CDK6: variants seen among roughly 807,000 people sequenced by gnomAD.
CDK6 encodes the protein cyclin-dependent kinase 6.
Under a neutral mutation model 37.1 loss-of-function variants are expected in CDK6, and 6 were observed. The ratio of observed to expected loss-of-function variants is 0.16; its 90% confidence interval spans 0.09 to 0.32. The LOEUF (loss-of-function observed/expected upper bound fraction) is 0.32, where lower values mean the gene tolerates loss of function less well. Ranked by LOEUF, CDK6 falls within the 10% of genes least tolerant of loss-of-function variation. CDK6 has a pLI of 1.00. For synonymous variants in CDK6, 160 were observed against 161.3 expected, an observed-to-expected ratio of 0.99 and a Z score of 0.06; for missense variants, 224 against 418.9, an observed-to-expected ratio of 0.53 and a Z score of 4.06.
intron 2 of CDK6, among the ~76,000 whole-genome samples, chr7:92,801,611 C>A (rs888178238): frequency 1.4e-4 from 21 of 151,960 alleles, no homozygotes; most frequent in African/African-American, 4.1e-4. Flanking sequence ...AAAGAATATT[C>A]TCTTTCCCTC....
At chr7:92,686,969 G>A (rs1204746035) in intron 4 of CDK6, among the ~76,000 whole-genome samples, 1 of 152,110 alleles carries the variant, frequency 6.6e-6, no homozygotes, top group East Asian at 1.9e-4. Flanking sequence ...TCAAAGGAAT[G>A]TTTGTGGTTT....
chr7:92,642,996 G>A (rs1796348948), intron 5 of CDK6, among the ~76,000 whole-genome samples: 1 of 151,920 alleles, frequency 6.6e-6, no homozygotes, highest in East Asian at 1.9e-4. Context: ...CTGAGCTCAG[G>A]TGATCCTCCC....
intron 4 of CDK6, among the ~76,000 whole-genome samples, chr7:92,687,334 A>G (rs980473502): frequency 3.9e-5 from 6 of 152,228 alleles, no homozygotes; most frequent in African/African-American, 1.4e-4. Flanking sequence ...TGGATCCCCA[A>G]TGCTTAGTGC....
intron 3 of CDK6, among the ~76,000 whole-genome samples, chr7:92,731,485 C>T (rs1397332961): frequency 6.6e-6 from 1 of 152,174 alleles, no homozygotes; most frequent in Non-Finnish European, 1.5e-5. Context: ...TAGTACCCGT[C>T]TCTTTGCCAC....
At position 92,755,245 on chromosome 7, in the gene CDK6, C is replaced by T. The variant is rs549715397; in HGVS notation, c.369+19451G>A. Among the ~76,000 whole-genome samples the T allele has an allele frequency of 3.3e-5, 5 of 152,252 alleles. No homozygotes were observed. The South Asian group carries it at 1.0e-3, about 32-fold the overall frequency. The stretch of plus-strand genomic sequence containing the variant: ...GGCCCACTTCTAGGCTTTCCTTTCC[C>T]CGCAGCTGTCTGTGTAGGGCTAATT... On this transcript the variant is annotated intron_variant, in intron 3 of 7. Coordinates refer to ENST00000424848, the MANE Select transcript of CDK6 (RefSeq NM_001145306.2).
chr7:92,784,879 G>A (rs982653510), intron 2 of CDK6, among the ~76,000 whole-genome samples: 1 of 152,112 alleles, frequency 6.6e-6, no homozygotes, highest in Non-Finnish European at 1.5e-5. Context: ...GTAAAAGTGA[G>A]GATACTTCAA....
chr7:92,607,707 G>A lies in CDK6; in HGVS notation c.*7433C>T, dbSNP rs1276665995. On this transcript the variant is annotated 3_prime_UTR_variant, in exon 8 of 8. Coordinates refer to ENST00000424848, the MANE Select transcript of CDK6 (RefSeq NM_001145306.2). ...AATAATAGAAATAATTTATGCAAAT[G>A]TAGAACAACTTGAAAAAAAATCCCC... 4.3e-6 allele frequency: 1 copy of A among 232,172 alleles called. No homozygotes were observed. The highest frequency in any genetic ancestry group is 2.2e-5 in the African/African-American group (1 of 45,284). 14.4% of individuals were successfully genotyped at this position (232,172 alleles called of 1,614,324 possible). A position where few individuals can be genotyped will look rare whatever the true frequency, so the allele number is the denominator to read the frequency against.
At chr7:92,647,058 T>G (rs1444288113) in intron 5 of CDK6, among the ~76,000 whole-genome samples, 1 of 152,234 alleles carries the variant, frequency 6.6e-6, no homozygotes. Context: ...TGGCCCATTT[T>G]ATGCCAGAGC....
intron 2 of CDK6, among the ~76,000 whole-genome samples, chr7:92,798,917 GTCC>G (rs1800490493): frequency 2.6e-5 from 4 of 152,136 alleles, no homozygotes; most frequent in Admixed American, 6.5e-5. Flanking sequence ...ACAGGAAAGT[GTCC>G]TCCTCTTCAA....
intron 3 of CDK6, among the ~76,000 whole-genome samples, chr7:92,765,444 G>C (rs1015595717): frequency 1.3e-5 from 2 of 152,018 alleles, no homozygotes; most frequent in Non-Finnish European, 2.9e-5. Flanking sequence ...GATAATCCCA[G>C]AATCCCGGCC....
At chr7:92,692,033 C>T (rs1797610305) in intron 4 of CDK6, among the ~76,000 whole-genome samples, 2 of 152,050 alleles carry the variant, frequency 1.3e-5, no homozygotes, top group Non-Finnish European at 1.5e-5. Flanking sequence ...TTTGGGAGGC[C>T]GAGGTGGGCG....
intron 3 of CDK6, among the ~76,000 whole-genome samples, chr7:92,774,217 AAAG>A (rs1292038192): frequency 1.3e-5 from 2 of 152,150 alleles, no homozygotes; most frequent in Admixed American, 6.6e-5. Context: ...AAAAATGAAG[AAAG>A]AAGGAGGGCC....
intron 4 of CDK6, among the ~76,000 whole-genome samples, chr7:92,710,167 A>T (rs533831599): frequency 6.6e-6 from 1 of 151,974 alleles, no homozygotes; most frequent in African/African-American, 2.4e-5. Context: ...GCATAACCTG[A>T]TTTTCTTTTG....
chr7:92,676,825 G>C (rs754507984), intron 4 of CDK6, among the ~76,000 whole-genome samples: 10 of 152,012 alleles, frequency 6.6e-5, no homozygotes, highest in Non-Finnish European at 1.3e-4. Flanking sequence ...TTACAACTCT[G>C]GTGGGCGCTT....
chr7:92,786,420 T>C (rs1175087770), intron 2 of CDK6, among the ~76,000 whole-genome samples: 1 of 152,104 alleles, frequency 6.6e-6, no homozygotes, highest in Admixed American at 6.5e-5. Flanking sequence ...ATCATAAACA[T>C]AGAAGAAAAT....
intron 4 of CDK6, among the ~76,000 whole-genome samples, chr7:92,711,317 GATAA>G (rs1323090312): frequency 6.6e-6 from 1 of 152,048 alleles, no homozygotes; most frequent in African/African-American, 2.4e-5. Context: ...AAATGCCTAG[GATAA>G]ATAAATGGAA....
chr7:92,791,944 C>A (rs921559385), intron 2 of CDK6, among the ~76,000 whole-genome samples: 1 of 152,050 alleles, frequency 6.6e-6, no homozygotes, highest in African/African-American at 2.4e-5. Context: ...GTAATCCAGG[C>A]TAAGAAGTCT....
Position 92,615,050 on chromosome 7 carries a change from C to G in CDK6, c.*90G>C, listed in dbSNP as rs2116475655. ...AGCTGGAAGGCCTCCAGATAGCAATCCTCCACAGCTCTGTAGGGCTTGCTG... is the reference window on the plus strand; with the variant it reads ...AGCTGGAAGGCCTCCAGATAGCAATGCTCCACAGCTCTGTAGGGCTTGCTG... On this transcript the variant is annotated 3_prime_UTR_variant, in exon 8 of 8. Transcript: ENST00000424848. 7.2e-7 allele frequency: 1 copy of G among 1,384,128 alleles called. No individual in the cohort carries two copies. The highest frequency in any genetic ancestry group is 9.9e-7 in the Non-Finnish European group (1 of 1,007,366). 85.7% of individuals were successfully genotyped at this position (1,384,128 alleles called of 1,614,324 possible). A position where few individuals can be genotyped will look rare whatever the true frequency, so the allele number is the denominator to read the frequency against.
chr7:92,639,186 T>G (rs943233423), intron 5 of CDK6, among the ~76,000 whole-genome samples: 1 of 152,194 alleles, frequency 6.6e-6, no homozygotes, highest in Non-Finnish European at 1.5e-5. Flanking sequence ...CTCCTTAAAG[T>G]TCTTGAAATA....
Sources: allele counts gnomAD v4.1 joint callset (sites outside exome capture counted in the v4.1 genomes callset), GRCh38; gene constraint gnomAD v4.1.1; transcripts MANE v1.5; gene names NCBI Gene and HGNC (gene_info 2026-07-23, HGNC 2026-07-21).